EYS: variants seen among roughly 807,000 people sequenced by gnomAD.
EYS encodes the protein EGF-like photoreceptor maintenance factor, also known as protein eyes shut homolog.
Under a neutral mutation model 282.1 loss-of-function variants are expected in EYS, and 250 were observed. The observed-to-expected ratio is 0.89, with a 90% CI of 0.80 to 0.98. The LOEUF is 0.98. Among genes scored for constraint, EYS ranks in the 50% least tolerant of loss-of-function variants. The pLI, the probability that EYS is intolerant of heterozygous loss-of-function variation, is 0.00. For missense variants in EYS, 4,016 were observed against 3,709.0 expected (o/e 1.08, Z -2.15); for synonymous variants, 1,355 against 1,282.9 (o/e 1.06, Z -1.20).
At chr6:64,783,794 A>T (rs192729289) in intron 22 of EYS, among the ~76,000 whole-genome samples, 50 of 152,220 alleles carry the variant, frequency 3.3e-4, no homozygotes, top group Non-Finnish European at 6.2e-4. Context: ...AATCATCCAA[A>T]TTTTTTTAAC....
chr6:64,525,927 T>C (rs1777902912), intron 26 of EYS, among the ~76,000 whole-genome samples: 2 of 151,796 alleles, frequency 1.3e-5, no homozygotes, highest in African/African-American at 2.4e-5. Context: ...ACAATCTTTA[T>C]GGTAGTTTTA....
chr6:64,897,735 A>G (rs1767520659), intron 18 of EYS, among the ~76,000 whole-genome samples: 1 of 152,192 alleles, frequency 6.6e-6, no homozygotes, highest in Non-Finnish European at 1.5e-5. Context: ...TGCTAACTAG[A>G]ATAACCAGTT....
chr6:64,375,640 T>C (rs1005929070), intron 29 of EYS, among the ~76,000 whole-genome samples: 1 of 152,130 alleles, frequency 6.6e-6, no homozygotes, highest in African/African-American at 2.4e-5. Flanking sequence ...AAGAGCCAAA[T>C]TGACTCAAGA....
intron 12 of EYS, among the ~76,000 whole-genome samples, chr6:65,277,641 T>C (rs1768086570): frequency 6.6e-6 from 1 of 152,120 alleles, no homozygotes; most frequent in African/African-American, 2.4e-5. Context: ...CAGTCTGTGG[T>C]ACTTTGTCAT....
intron 40 of EYS, among the ~76,000 whole-genome samples, chr6:63,768,551 G>A (rs1425268802): frequency 2.0e-5 from 3 of 151,944 alleles, no homozygotes; most frequent in Non-Finnish European, 4.4e-5. Flanking sequence ...AATCAGAATG[G>A]CTATTATAAA....
At chr6:64,077,730 A>AAT (rs894105263) in intron 32 of EYS, among the ~76,000 whole-genome samples, 29 of 152,010 alleles carry the variant, frequency 1.9e-4, no homozygotes, top group Admixed American at 1.9e-3. Flanking sequence ...ACTGCATGGT[A>AAT]ATATATCCCA....
chr6:65,324,481 C>T (rs1436858914), intron 11 of EYS, among the ~76,000 whole-genome samples: 4 of 152,118 alleles, frequency 2.6e-5, no homozygotes, highest in Non-Finnish European at 5.9e-5. Flanking sequence ...AGTGAAACAC[C>T]GGTGATATTG....
chr6:65,645,474 T>C (rs1385566768), intron 1 of EYS, among the ~76,000 whole-genome samples: 2 of 152,066 alleles, frequency 1.3e-5, no homozygotes, highest in Non-Finnish European at 2.9e-5. Flanking sequence ...TTAAAAACGT[T>C]TTGAACTGAA....
At chr6:64,480,314 T>C (rs1208845544) in intron 26 of EYS, among the ~76,000 whole-genome samples, 1 of 152,064 alleles carries the variant, frequency 6.6e-6, no homozygotes, top group East Asian at 1.9e-4. Context: ...ATTAAACAAC[T>C]CTATTACCAT....
At chr6:64,473,666 T>A (rs1019807544) in intron 26 of EYS, among the ~76,000 whole-genome samples, 1 of 152,188 alleles carries the variant, frequency 6.6e-6, no homozygotes, top group South Asian at 2.1e-4. Context: ...TTTTGATAGA[T>A]GTTAGAATGA....
intron 31 of EYS, among the ~76,000 whole-genome samples, chr6:64,089,310 T>C (rs377674714): frequency 6.6e-6 from 1 of 150,906 alleles, no homozygotes; most frequent in East Asian, 1.9e-4. Flanking sequence ...CCAATAATAT[T>C]CAAAGGTTTA....
chr6:63,951,464 C>T (rs1269134413), intron 35 of EYS, among the ~76,000 whole-genome samples: 1 of 152,050 alleles, frequency 6.6e-6, no homozygotes, highest in Non-Finnish European at 1.5e-5. Flanking sequence ...TCCTTTCCCT[C>T]CCACCTGTCC....
At chr6:64,883,567 G>A (rs1766992620) in intron 19 of EYS, among the ~76,000 whole-genome samples, 1 of 151,236 alleles carries the variant, frequency 6.6e-6, no homozygotes, top group South Asian at 2.1e-4. Context: ...ATCGTGTCTA[G>A]TTAAGAGGAG....
intron 31 of EYS, among the ~76,000 whole-genome samples, chr6:64,120,991 C>T (rs76609236): frequency 0.068 from 10,345 of 152,068 alleles, 1,072 homozygotes; most frequent in African/African-American, 0.23. Flanking sequence ...TATTTGCTTG[C>T]TTGTTTTTTG....
At chr6:65,620,476 A>G (rs1415528823) in intron 2 of EYS, among the ~76,000 whole-genome samples, 3 of 150,698 alleles carry the variant, frequency 2.0e-5, no homozygotes, top group Admixed American at 2.0e-4. Flanking sequence ...GCAGTCTCTC[A>G]ATTTTGTTGA....
At chr6:63,804,781 A>T (rs1770861956) in intron 37 of EYS, among the ~76,000 whole-genome samples, 1 of 152,218 alleles carries the variant, frequency 6.6e-6, no homozygotes, top group African/African-American at 2.4e-5. Context: ...TTCAGACATG[A>T]TCTAATAAAC....
intron 22 of EYS, among the ~76,000 whole-genome samples, chr6:64,651,141 TA>T (rs1006126646): frequency 2.0e-5 from 3 of 151,736 alleles, no homozygotes; most frequent in Non-Finnish European, 4.4e-5. Context: ...CTTTCTAACC[TA>T]AAAAAAAGGT....
At chr6:64,308,101 A>G (rs1045695193) in intron 29 of EYS, among the ~76,000 whole-genome samples, 1 of 152,024 alleles carries the variant, frequency 6.6e-6, no homozygotes, top group Non-Finnish European at 1.5e-5. Flanking sequence ...TCTCTCAGAC[A>G]TCAATTACCT....
At chr6:63,967,350 C>G (rs1309019397) in intron 35 of EYS, among the ~76,000 whole-genome samples, 1 of 152,020 alleles carries the variant, frequency 6.6e-6, no homozygotes, top group Non-Finnish European at 1.5e-5. Context: ...TAACTGAAAC[C>G]CCAAAAGTGA....
Sources: gnomAD v4.1 joint callset for allele counts (sites outside exome capture counted in the v4.1 genomes callset) on GRCh38, gnomAD v4.1.1 for gene constraint, MANE v1.5 for transcripts, NCBI Gene and HGNC (gene_info 2026-07-23, HGNC 2026-07-21) for gene names.